The following KIF20B variants were observed in gnomAD, a reference collection of about 807,000 sequenced individuals.
The protein encoded by KIF20B is kinesin-like protein KIF20B.
In KIF20B, 188 loss-of-function variants were observed where a neutral mutation model predicts 232.5. That is an observed-to-expected ratio of 0.81 (90% CI 0.72 to 0.91). The LOEUF (loss-of-function observed/expected upper bound fraction) is 0.91. KIF20B is among the 40% of genes least tolerant of loss of function. KIF20B has a pLI of 0.00. For synonymous variants in KIF20B, 712 were observed against 683.0 expected, an observed-to-expected ratio of 1.04 and a Z score of -0.66; for missense variants, 2,154 against 2,055.9, an observed-to-expected ratio of 1.05 and a Z score of -0.92.
chr10:89,709,092 C>T, intron 2 of KIF20B, 75 bp from the exon 3 acceptor site: 3 of 930,936 alleles, frequency 3.2e-6, no homozygotes, highest in Non-Finnish European at 5.2e-6. Context: ...TAAAAAGTAG[C>T]CATGTTAAGG....
intron 13 of KIF20B, among the ~76,000 whole-genome samples, chr10:89,720,162 G>C (rs1051520722): frequency 6.6e-6 from 1 of 152,046 alleles, no homozygotes; most frequent in Admixed American, 6.6e-5. Context: ...CTTTGTTTTT[G>C]TCTACAGCCA....
At chr10:89,766,204 TTTA>T (rs1308377941) in intron 29 of KIF20B, 1 of 152,160 alleles carries the variant, frequency 6.6e-6, no homozygotes, top group Non-Finnish European at 1.5e-5. Flanking sequence ...TTTGTTTCTT[TTTA>T]TTCTTTTTTC....
In KIF20B at chr10:89,739,098, T is replaced by C. The variant is rs765287616; in HGVS notation, c.3915+2T>C. 12 of 1,610,188 alleles carry C rather than the reference T, an allele frequency of 7.5e-6. No individual in the cohort carries two copies. The highest frequency in any genetic ancestry group is 2.5e-6 in the Non-Finnish European group (3 of 1,178,860). ...CAGATTAAGCAAGTACAGAAAGAGG[T>C]AGGTTATTTGAAAAGTTATGTGGCC... On this transcript the variant is annotated splice_donor_variant, in intron 21 of 32. Coordinates refer to ENST00000371728, the MANE Select transcript of KIF20B (RefSeq NM_001284259.2). LOFTEE classifies it high-confidence loss of function.
intron 21 of KIF20B, among the ~76,000 whole-genome samples, chr10:89,742,699 CTTTTTTTT>C (rs34668146): frequency 8.5e-6 from 1 of 118,266 alleles, no homozygotes; most frequent in Admixed American, 9.0e-5. Flanking sequence ...ATCTTCAAGC[CTTTTTTTT>C]TTTTTTTTTT....
Position 89,774,463 on chromosome 10 carries a change from G to A in KIF20B, c.*415G>A, listed in dbSNP as rs141749006. 1,218 of 152,398 alleles carry A rather than the reference G, an allele frequency of 8.0e-3. 15 individuals carry two copies. Among genetic ancestry groups the A allele is most frequent in the African/African-American group, 0.028 (1,162 of 41,544 alleles). The allele number at this position is 152,398 out of a possible 1,614,324, so 9.4% of individuals were successfully genotyped here. A position where few individuals can be genotyped will look rare whatever the true frequency, so the allele number is the denominator to read the frequency against. The stretch of plus-strand genomic sequence containing the variant: ...TATAGCTAGGATTTGGAGAATAAGT[G>A]TGTACAGATCACAAAACATGTATAT... On this transcript the variant is annotated 3_prime_UTR_variant, in exon 33 of 33. Coordinates refer to ENST00000371728, the MANE Select transcript of KIF20B (RefSeq NM_001284259.2).
At chr10:89,724,888 T>C in intron 14 of KIF20B, 132 bp from the exon 15 acceptor site, 1 of 808,492 alleles carries the variant, frequency 1.2e-6, no homozygotes, top group Non-Finnish European at 1.9e-6. Flanking sequence ...TTGCTGGGAT[T>C]ACAGGCGTGA....
intron 1 of KIF20B, among the ~76,000 whole-genome samples, chr10:89,704,682 A>T (rs1208075428): frequency 1.3e-5 from 2 of 151,984 alleles, no homozygotes; most frequent in Admixed American, 1.3e-4. Context: ...CAGCCTCCCG[A>T]GTAGCTGGGA....
chr10:89,766,032 A>G (rs1047557196), intron 29 of KIF20B, among the ~76,000 whole-genome samples: 2 of 152,026 alleles, frequency 1.3e-5, no homozygotes, highest in Non-Finnish European at 2.9e-5. Context: ...GTATTTCCTG[A>G]ATCTGAATGT....
rs1393037143 is a variant in KIF20B, at chr10:89,774,205, A to C, written c.*157A>C. 2 of 402,832 alleles carry C rather than the reference A, an allele frequency of 5.0e-6. No individual in the cohort carries two copies. Among genetic ancestry groups the C allele is most frequent in the African/African-American group, 4.2e-5 (2 of 48,064 alleles). The allele number at this position is 402,832 out of a possible 1,614,324, so 25.0% of individuals were successfully genotyped here. A position where few individuals can be genotyped will look rare whatever the true frequency, so the allele number is the denominator to read the frequency against. ...ATAATTTTAATTCAATAAATGAGTCAAAATTTGTATATTTTTATAAGGCTT... is the reference window on the plus strand; with the variant it reads ...ATAATTTTAATTCAATAAATGAGTCCAAATTTGTATATTTTTATAAGGCTT... On this transcript the variant is annotated 3_prime_UTR_variant, in exon 33 of 33. Transcript: ENST00000371728.
rs769292988 is a variant in KIF20B at position 89,719,637 on chromosome 10, ACTT to A, written c.1657_1659del (p.Leu553del). ...AAGAAACTCAAAATGTGGAAACTAA[ACTT>A]CTTGATGAAGATCTAGATAAAACAT... On this transcript the variant is annotated inframe_deletion, in exon 13 of 33. Coordinates refer to ENST00000371728, the MANE Select transcript of KIF20B (RefSeq NM_001284259.2). 27 of 1,612,890 alleles carry A rather than the reference ACTT, an allele frequency of 1.7e-5. No homozygotes were observed. The highest frequency in any genetic ancestry group is 2.3e-5 in the Non-Finnish European group (27 of 1,179,318).
At chr10:89,762,599 C>G (rs1388757348) in intron 28 of KIF20B, 39 bp from the exon 29 acceptor site, 2 of 1,456,056 alleles carry the variant, frequency 1.4e-6, no homozygotes, top group Non-Finnish European at 1.9e-6. Flanking sequence ...TAAATGTATA[C>G]TCTACAAATA....
At chr10:89,721,101 G>C (rs1402294809) in intron 13 of KIF20B, among the ~76,000 whole-genome samples, 1 of 152,128 alleles carries the variant, frequency 6.6e-6, no homozygotes, top group African/African-American at 2.4e-5. Context: ...GTGTTCATGG[G>C]TGTGCTTTAA....
At chr10:89,756,588 T>C (rs542223557) in intron 26 of KIF20B, among the ~76,000 whole-genome samples, 3 of 152,326 alleles carry the variant, frequency 2.0e-5, no homozygotes, top group African/African-American at 7.2e-5. Flanking sequence ...AAATAGAACA[T>C]AGTTCAGTGA....
intron 31 of KIF20B, among the ~76,000 whole-genome samples, chr10:89,769,649 A>G (rs1842429330): frequency 6.6e-6 from 1 of 151,656 alleles, no homozygotes; most frequent in East Asian, 2.0e-4. Context: ...TAATGTGGAC[A>G]TATTGATACC....
chr10:89,713,848 A>G (rs1394261620), intron 6 of KIF20B, among the ~76,000 whole-genome samples, 199 bp from the exon 7 acceptor site: 1 of 152,130 alleles, frequency 6.6e-6, no homozygotes, highest in African/African-American at 2.4e-5. Context: ...ATTATACATG[A>G]TAATATTCTT....
At chr10:89,724,767 C>T (rs1361950582) in intron 14 of KIF20B, among the ~76,000 whole-genome samples, 2 of 152,008 alleles carry the variant, frequency 1.3e-5, no homozygotes, top group Non-Finnish European at 2.9e-5. Context: ...CAGGCACACA[C>T]CACCACGCCC....
At chr10:89,712,996 A>T (rs936768546) in intron 6 of KIF20B, among the ~76,000 whole-genome samples, 16 of 152,184 alleles carry the variant, frequency 1.1e-4, no homozygotes, top group Non-Finnish European at 1.5e-4. Flanking sequence ...TAGTGTTTTA[A>T]CAAAATTTAT....
chr10:89,749,601 A>G (rs1057472646), intron 23 of KIF20B, among the ~76,000 whole-genome samples: 3 of 152,116 alleles, frequency 2.0e-5, no homozygotes, highest in African/African-American at 7.2e-5. Flanking sequence ...TCAGCCACTA[A>G]TCTACTTTCT....
rs151153971 is a variant in KIF20B at position 89,749,104 on chromosome 10, A to G, written c.4097-2242A>G. Among the ~76,000 whole-genome samples, 62 of 152,246 alleles carry G rather than the reference A, an allele frequency of 4.1e-4. 1 individual carries two copies. Among genetic ancestry groups the G allele is most frequent in the African/African-American group, 1.5e-3 (61 of 41,536 alleles). ...TCTCAGCTTTTATGATCTATTCTGT[A>G]CTAGTTACCACTTTTCTCTCAGAAT... On this transcript the variant is annotated intron_variant, in intron 23 of 32. Transcript: ENST00000371728.
Sources: gnomAD v4.1 joint callset for allele counts (sites outside exome capture counted in the v4.1 genomes callset) on GRCh38, gnomAD v4.1.1 for gene constraint, MANE v1.5 for transcripts, NCBI Gene and HGNC (gene_info 2026-07-23, HGNC 2026-07-21) for gene names.